The following LMX1B variants were observed in gnomAD, a reference collection of about 807,000 sequenced individuals.
LMX1B encodes the protein LIM homeobox transcription factor 1 beta, also known as LIM homeobox transcription factor 1-beta.
A neutral mutation model predicts 51.4 loss-of-function variants in LMX1B; 12 were observed. That is an observed-to-expected ratio of 0.23 (90% CI 0.15 to 0.38). The LOEUF (loss-of-function observed/expected upper bound fraction) is 0.38. Ranked by LOEUF, LMX1B falls within the 10% of genes least tolerant of loss-of-function variation. LMX1B has a pLI of 1.00. For missense variants in LMX1B, 445 were observed against 571.1 expected (o/e 0.78, Z 2.25); for synonymous variants, 237 against 235.4 (o/e 1.01, Z -0.06).
intron 2 of LMX1B, among the ~76,000 whole-genome samples, chr9:126,660,423 C>A (rs536747049): frequency 3.3e-5 from 5 of 152,286 alleles, no homozygotes; most frequent in African/African-American, 1.2e-4. Flanking sequence ...GAAGTGACTT[C>A]TAAGGGCAGT....
chr9:126,650,529 G>A (rs1471210118), intron 2 of LMX1B, among the ~76,000 whole-genome samples: 7 of 152,260 alleles, frequency 4.6e-5, no homozygotes, highest in African/African-American at 1.2e-4. Flanking sequence ...AGGGAAACCC[G>A]AGTCAGCAGC....
At chr9:126,690,251 C>T (rs772455744) in intron 2 of LMX1B, among the ~76,000 whole-genome samples, 21 of 152,096 alleles carry the variant, frequency 1.4e-4, no homozygotes, top group Non-Finnish European at 2.1e-4. Flanking sequence ...CAGCTTGATC[C>T]GATTTGTATT....
intron 2 of LMX1B, among the ~76,000 whole-genome samples, chr9:126,654,883 A>ACT (rs952290153): frequency 1.3e-5 from 2 of 150,846 alleles, no homozygotes; most frequent in Non-Finnish European, 3.0e-5. Context: ...CATTTCTGGA[A>ACT]CTCTCCCCTT....
Position 126,615,495 on chromosome 9 carries a change from G to A in LMX1B, c.252G>A (p.Ala84=), listed in dbSNP as rs2235059. 3 of 1,611,864 alleles carry A rather than the reference G, an allele frequency of 1.9e-6. No homozygotes were observed. In the South Asian group the frequency reaches 3.3e-5, roughly 18 times the overall value. Reference sequence around the variant, plus strand: ...GGCACGAGGAGTGTTTGCAGTGCGCGGCGTGTCAGCAAGCCCTCACCACCA... The same window carrying A: ...GGCACGAGGAGTGTTTGCAGTGCGCAGCGTGTCAGCAAGCCCTCACCACCA... The part of the protein sequence containing the change: ...SSWHEECLQC[A]ACQQALTTSC... Residue 84 remains alanine (A), a synonymous_variant, in exon 2 of 8, where the codon GCG becomes GCA. Transcript: ENST00000373474. The surrounding 1 kb of genome is among the most constrained non-coding windows in gnomAD (Gnocchi z 6.0).
At chr9:126,691,177 T>G (rs1280609682) in intron 3 of LMX1B, 109 bp downstream of exon 3, 1 of 751,862 alleles carries the variant, frequency 1.3e-6, no homozygotes, top group Non-Finnish European at 2.2e-6. Context: ...GGACCTGAGC[T>G]GCACACAGAT....
At chr9:126,691,660 A>G (rs966386388) in intron 3 of LMX1B, among the ~76,000 whole-genome samples, 1 of 149,450 alleles carries the variant, frequency 6.7e-6, no homozygotes, top group South Asian at 2.1e-4. Flanking sequence ...CCCGCAGCCC[A>G]GCTCCACAGG....
chr9:126,664,506 G>A (rs924499207), intron 2 of LMX1B, among the ~76,000 whole-genome samples: 5 of 152,178 alleles, frequency 3.3e-5, no homozygotes, highest in African/African-American at 9.7e-5. Flanking sequence ...TTCCCTGCTG[G>A]GAGTCTCACT....
intron 2 of LMX1B, among the ~76,000 whole-genome samples, chr9:126,640,462 C>T (rs1228300876): frequency 2.0e-5 from 3 of 152,206 alleles, no homozygotes; most frequent in African/African-American, 7.2e-5. Context: ...GCAGGGGCTG[C>T]ACCAGTCCTG....
At chr9:126,666,316 G>A (rs1489295942) in intron 2 of LMX1B, among the ~76,000 whole-genome samples, 1 of 152,206 alleles carries the variant, frequency 6.6e-6, no homozygotes, top group Non-Finnish European at 1.5e-5. Context: ...CAGGGGGCAG[G>A]CCCAGGAGAG....
chr9:126,656,383 T>TTAGATAGATAGA lies in LMX1B; in HGVS notation c.327-34409_327-34398dup, dbSNP rs3052900. Among the ~76,000 whole-genome samples, 394 of 143,962 alleles carry TTAGATAGATAGA rather than the reference T, an allele frequency of 2.7e-3. 1 individual carries two copies. Among genetic ancestry groups the TTAGATAGATAGA allele is most frequent in the African/African-American group, 2.7e-3 (103 of 38,112 alleles). The allele number at this position is 143,962 out of a possible 152,430, so 94.4% of individuals were successfully genotyped here. On this transcript the variant is annotated intron_variant, in intron 2 of 7. Transcript: ENST00000373474. ...TGGGCAACATAGTGAGATCTGGTCT[T>TTAGATAGATAGA]TAGATAGATAGATAGATAGATAGAT...
Position 126,693,756 on chromosome 9 carries a change from T to C in LMX1B, c.830T>C (p.Leu277Pro). ...GCGCTCTCCCTGCAGATGAAGAAGC[T>C]GGCGCGGCGGCACCAGCAGCAGCAG... Reference protein sequence around the residue: ...FQNQRAKMKKLARRHQQQQEQ... With the variant: ...FQNQRAKMKKPARRHQQQQEQ... Residue 277 changes from leucine to proline, a missense_variant, in exon 6 of 8, where the codon CTG (leucine) becomes CCG (proline). Leu to Pro is a moderately conservative substitution (Grantham distance 98). Coordinates refer to ENST00000373474, the MANE Select transcript of LMX1B (RefSeq NM_001174147.2). The C allele has an allele frequency of 6.5e-7, 1 of 1,548,840 alleles. No homozygotes were observed. The highest frequency in any genetic ancestry group is 8.7e-7 in the Non-Finnish European group (1 of 1,146,764).
rs562960522 is a variant in LMX1B, at chr9:126,653,747, C to G, written c.327-37089C>G. ...TTTCATGACCACACTCAGCTCCCTCCCACCCTTCATCCCCAGCCCCCTGGG... is the reference window on the plus strand; with the variant it reads ...TTTCATGACCACACTCAGCTCCCTCGCACCCTTCATCCCCAGCCCCCTGGG... On this transcript the variant is annotated intron_variant, in intron 2 of 7. Coordinates refer to ENST00000373474, the MANE Select transcript of LMX1B (RefSeq NM_001174147.2). Among the ~76,000 whole-genome samples, 26 of 152,248 alleles carry G rather than the reference C, an allele frequency of 1.7e-4. 1 individual carries two copies. The South Asian group carries it at 5.2e-3, about 30-fold the overall frequency.
chr9:126,625,462 C>T lies in LMX1B; in HGVS notation c.326+9893C>T, dbSNP rs1181412132. On this transcript the variant is annotated intron_variant, in intron 2 of 7. Coordinates refer to ENST00000373474, the MANE Select transcript of LMX1B (RefSeq NM_001174147.2). This position sits in a 1 kb window ranked among gnomAD's most constrained non-coding sequence, Gnocchi z 5.3. ...CACTCCGGGTGCACACCCACCACCC[C>T]CATTAAAGCGGGATTGACCAGAAGA... 1.3e-5 allele frequency among the ~76,000 whole-genome samples: 2 copies of T among 152,216 alleles called. No individual in the cohort carries two copies. Among genetic ancestry groups the T allele is most frequent in the Non-Finnish European group, 2.9e-5 (2 of 68,040 alleles).
intron 2 of LMX1B, among the ~76,000 whole-genome samples, chr9:126,637,260 A>G (rs1255071463): frequency 1.3e-5 from 2 of 152,146 alleles, no homozygotes; most frequent in Admixed American, 1.3e-4. Flanking sequence ...CTGAATTCAG[A>G]TGCCAGAGCA....
chr9:126,615,329 C>T lies in LMX1B; in HGVS notation c.140-54C>T. On this transcript the variant is annotated intron_variant, in intron 1 of 7. Coordinates refer to ENST00000373474, the MANE Select transcript of LMX1B (RefSeq NM_001174147.2). This position sits in a 1 kb window ranked among gnomAD's most constrained non-coding sequence, Gnocchi z 6.0. ...CTGTGGGCCCGGTGCGACCGGGACG[C>T]CGGGGCTGGGCCGGGCGGCGCTGAC... 3 of 1,391,594 alleles carry T rather than the reference C, an allele frequency of 2.2e-6. No individual in the cohort carries two copies. The highest frequency in any genetic ancestry group is 1.9e-6 in the Non-Finnish European group (2 of 1,067,816). 86.2% of individuals were successfully genotyped at this position (1,391,594 alleles called of 1,614,324 possible). A position where few individuals can be genotyped will look rare whatever the true frequency, so the allele number is the denominator to read the frequency against.
chr9:126,663,229 C>T (rs1202937513), intron 2 of LMX1B, among the ~76,000 whole-genome samples: 1 of 151,770 alleles, frequency 6.6e-6, no homozygotes, highest in Non-Finnish European at 1.5e-5. Context: ...GAGTTCGAGA[C>T]CAGCCTGACC....
At position 126,615,259 on chromosome 9, in the gene LMX1B, C is replaced by T. The variant is rs1386018313; in HGVS notation, c.140-124C>T. 2.0e-6 allele frequency: 1 copy of T among 501,206 alleles called. No homozygotes were observed. Among genetic ancestry groups the T allele is most frequent in the Non-Finnish European group, 2.8e-6 (1 of 350,944 alleles). 31.0% of individuals were successfully genotyped at this position (501,206 alleles called of 1,614,324 possible). On this transcript the variant is annotated intron_variant, in intron 1 of 7. Transcript: ENST00000373474. The surrounding 1 kb of genome is among the most constrained non-coding windows in gnomAD (Gnocchi z 6.0). ...GGCGCGGCGGTCCGGGGAGCGCAGG[C>T]GGCAGGCGGTGATCCCGGGCGGCCC...
chr9:126,665,731 G>C (rs533280273), intron 2 of LMX1B, among the ~76,000 whole-genome samples: 2 of 152,344 alleles, frequency 1.3e-5, no homozygotes, highest in Admixed American at 6.5e-5. Flanking sequence ...CCTTTGAACA[G>C]AGTAGGCACC....
intron 2 of LMX1B, among the ~76,000 whole-genome samples, chr9:126,680,511 A>T (rs1004979823): frequency 6.6e-6 from 1 of 152,238 alleles, no homozygotes; most frequent in African/African-American, 2.4e-5. Flanking sequence ...CTTAGTAAGC[A>T]ATAATAATGA....
Sources: gnomAD v4.1 joint callset for allele counts (sites outside exome capture counted in the v4.1 genomes callset) on GRCh38, gnomAD v4.1.1 for gene constraint, Gnocchi (gnomAD v3.1) non-coding constraint, MANE v1.5 for transcripts, NCBI Gene and HGNC (gene_info 2026-07-23, HGNC 2026-07-21) for gene names.